The following PDE10A variants were observed in gnomAD, a reference collection of about 807,000 sequenced individuals.
PDE10A encodes cAMP and cAMP-inhibited cGMP 3',5'-cyclic phosphodiesterase 10A.
Under a neutral mutation model 97.7 loss-of-function variants are expected in PDE10A, and 39 were observed. That is an observed-to-expected ratio of 0.40 (90% CI 0.31 to 0.52). The LOEUF is 0.52. Among genes scored for constraint, PDE10A ranks in the 20% least tolerant of loss-of-function variants. The pLI is 0.56. For synonymous variants in PDE10A, 371 were observed against 376.8 expected (o/e 0.98, Z 0.18); for missense variants, 731 against 1,047.8 (o/e 0.70, Z 4.17).
intron 1 of PDE10A, among the ~76,000 whole-genome samples, chr6:165,697,459 G>T (rs1423363367): frequency 2.6e-5 from 4 of 152,142 alleles, no homozygotes; most frequent in African/African-American, 9.7e-5. Context: ...CATTCCATTT[G>T]GTGCTATCTG....
chr6:165,429,515 T>C (rs544804385), intron 9 of PDE10A, among the ~76,000 whole-genome samples: 2 of 152,072 alleles, frequency 1.3e-5, no homozygotes, highest in Non-Finnish European at 2.9e-5. Context: ...GCATCAAGAA[T>C]AATTACTGAT....
intron 1 of PDE10A, among the ~76,000 whole-genome samples, chr6:165,909,954 C>T (rs781490237): frequency 4.6e-5 from 7 of 152,136 alleles, no homozygotes; most frequent in African/African-American, 7.2e-5. Context: ...CTATAAGGCT[C>T]GCTCCCACAT....
chr6:165,443,935 AT>A (rs1285226170), intron 5 of PDE10A, among the ~76,000 whole-genome samples: 1 of 152,168 alleles, frequency 6.6e-6, no homozygotes, highest in Non-Finnish European at 1.5e-5. Context: ...TTGGTGATTA[AT>A]ATTCGGCTCC....
chr6:165,422,554 A>G (rs1247289468), intron 10 of PDE10A, among the ~76,000 whole-genome samples: 2 of 152,250 alleles, frequency 1.3e-5, no homozygotes, highest in African/African-American at 4.8e-5. Context: ...AAATTCAGTT[A>G]AAATGTATCT....
intron 1 of PDE10A, among the ~76,000 whole-genome samples, chr6:165,890,675 C>T (rs9355551): frequency 0.24 from 36,889 of 152,028 alleles, 5,190 homozygotes; most frequent in African/African-American, 0.38. Flanking sequence ...CCTGAGAAAT[C>T]ACAGCGTTAG....
At chr6:165,813,855 G>T (rs1435337323) in intron 1 of PDE10A, among the ~76,000 whole-genome samples, 2 of 152,110 alleles carry the variant, frequency 1.3e-5, no homozygotes, top group Admixed American at 6.6e-5. Context: ...AAGTACTAGG[G>T]CCACAATGTT....
chr6:165,392,781 C>T lies in PDE10A; in HGVS notation c.2319G>A (p.Lys773=). ...SCGTSCFELE[K]LCRFIMSVKK... ...TCACAGACATAATAAAACGACACAACTTTTCAAGCTCAAAGCTGCATGGAA... is the reference window on the plus strand; with the variant it reads ...TCACAGACATAATAAAACGACACAATTTTTCAAGCTCAAAGCTGCATGGAA... Residue 773 remains lysine (K), a synonymous_variant, in exon 16 of 22, where the codon AAG becomes AAA. Transcript: ENST00000539869. The T allele has an allele frequency of 6.2e-7, 1 of 1,614,006 alleles. No homozygotes were observed. The highest frequency in any genetic ancestry group is 8.5e-7 in the Non-Finnish European group (1 of 1,179,920).
Position 165,574,507 on chromosome 6 carries a change from T to C in PDE10A, c.866-30939A>G, listed in dbSNP as rs146840973. Among the ~76,000 whole-genome samples, 771 of 152,294 alleles carry C rather than the reference T, an allele frequency of 5.1e-3. 3 individuals are homozygous for C. The highest frequency in any genetic ancestry group is 7.5e-3 in the Non-Finnish European group (511 of 68,034). On this transcript the variant is annotated intron_variant, in intron 1 of 21. Transcript: ENST00000539869. ...GACAGAAACTGTCTCATAAAAACTA[T>C]TTCACCTCAAAATTAATTTTCAAAA...
rs139910227 is a variant in PDE10A, at chr6:165,580,999, A to G, written c.866-37431T>C. 9.4e-3 allele frequency among the ~76,000 whole-genome samples: 1,439 copies of G among 152,340 alleles called. 6 individuals carry two copies. Among genetic ancestry groups the G allele is most frequent in the Non-Finnish European group, 0.015 (999 of 68,030 alleles). On this transcript the variant is annotated intron_variant, in intron 1 of 21. Coordinates refer to ENST00000539869, the MANE Select transcript of PDE10A (RefSeq NM_001385079.1). ...TGGTAAGTTCAATTTTTGACTTGTT[A>G]AATTATATAATTTTTAGCACATTAA...
At chr6:165,915,915 G>T (rs528878855) in intron 1 of PDE10A, among the ~76,000 whole-genome samples, 1 of 152,306 alleles carries the variant, frequency 6.6e-6, no homozygotes, top group African/African-American at 2.4e-5. Context: ...TTATGCTTCT[G>T]CGACAACCAA....
At chr6:165,445,433 ATCT>A (rs1388986666) in intron 5 of PDE10A, among the ~76,000 whole-genome samples, 3 of 152,204 alleles carry the variant, frequency 2.0e-5, no homozygotes, top group Non-Finnish European at 2.9e-5. Context: ...GAATAGACTG[ATCT>A]TCTCCCAGGA....
At chr6:165,923,981 G>A (rs1782840442) in intron 1 of PDE10A, among the ~76,000 whole-genome samples, 1 of 152,160 alleles carries the variant, frequency 6.6e-6, no homozygotes, top group African/African-American at 2.4e-5. Flanking sequence ...AGGGATTCAA[G>A]ACCAGCCTGG....
chr6:165,987,624 A>G, exon 1 of PDE10A: 1 of 420,000 alleles, frequency 2.4e-6, no homozygotes, highest in South Asian at 1.7e-5. Flanking sequence ...AGAAAAAAAA[A>G]GGCAAGGCGC....
intron 2 of PDE10A, 21 bp from the exon 3 acceptor site, chr6:165,482,364 G>T: frequency 6.3e-7 from 1 of 1,590,854 alleles, no homozygotes; most frequent in South Asian, 1.1e-5. Context: ...AGAAGGAAGA[G>T]GGAAAAACAC....
At chr6:165,927,219 A>T (rs945267573) in intron 1 of PDE10A, among the ~76,000 whole-genome samples, 6 of 152,142 alleles carry the variant, frequency 3.9e-5, no homozygotes, top group African/African-American at 9.7e-5. Context: ...AGTATAACTT[A>T]AAAAAAGCAC....
intron 1 of PDE10A, among the ~76,000 whole-genome samples, chr6:165,742,938 C>T (rs929798384): frequency 7.9e-5 from 12 of 152,342 alleles, no homozygotes; most frequent in Non-Finnish European, 7.3e-5. Flanking sequence ...ACTTGCTCAA[C>T]TGATGCTCCT....
At chr6:165,884,101 G>A (rs577539393) in intron 1 of PDE10A, among the ~76,000 whole-genome samples, 8 of 152,104 alleles carry the variant, frequency 5.3e-5, no homozygotes, top group African/African-American at 1.9e-4. Flanking sequence ...GGAGGGAGGC[G>A]TGTTTAAACA....
intron 1 of PDE10A, among the ~76,000 whole-genome samples, chr6:165,986,785 AG>A (rs1243546040): frequency 8.7e-6 from 1 of 115,328 alleles, no homozygotes; most frequent in Non-Finnish European, 1.8e-5. Flanking sequence ...GCTTGGGGGG[AG>A]GGGGGACGGG....
At chr6:165,963,551 C>T (rs1284532263) in intron 1 of PDE10A, among the ~76,000 whole-genome samples, 1 of 152,192 alleles carries the variant, frequency 6.6e-6, no homozygotes, top group Non-Finnish European at 1.5e-5. Context: ...ACAACATCTA[C>T]CCCAGTGGAC....
Sources: gnomAD v4.1 joint callset for allele counts (sites outside exome capture counted in the v4.1 genomes callset) on GRCh38, gnomAD v4.1.1 for gene constraint, MANE v1.5 for transcripts, NCBI Gene and HGNC (gene_info 2026-07-23, HGNC 2026-07-21) for gene names.